The following CNTNAP2 variants were observed in gnomAD, a reference collection of about 807,000 sequenced individuals.
CNTNAP2 encodes the protein contactin associated protein 2.
CNTNAP2 carries 98 observed loss-of-function variants against 155.2 expected under a neutral mutation model. That is an observed-to-expected ratio of 0.63 (90% CI 0.54 to 0.75). The LOEUF is 0.75. Among genes scored for constraint, CNTNAP2 ranks in the 30% least tolerant of loss-of-function variants. CNTNAP2 has a pLI of 0.00. For missense variants in CNTNAP2, 1,727 were observed against 1,688.1 expected, an observed-to-expected ratio of 1.02 and a Z score of -0.40; for synonymous variants, 651 against 631.2, an observed-to-expected ratio of 1.03 and a Z score of -0.47.
chr7:146,624,529 C>T (rs929199968), intron 1 of CNTNAP2, among the ~76,000 whole-genome samples: 2 of 151,878 alleles, frequency 1.3e-5, no homozygotes, highest in Non-Finnish European at 2.9e-5. Flanking sequence ...ATTTCAAATG[C>T]CTTTGTTAAA....
At chr7:146,501,838 G>A (rs1216658205) in intron 1 of CNTNAP2, among the ~76,000 whole-genome samples, 2 of 152,092 alleles carry the variant, frequency 1.3e-5, no homozygotes. Flanking sequence ...ACAGACAAAA[G>A]AGAAGACTTA....
At chr7:147,313,612 A>G (rs1169995745) in intron 9 of CNTNAP2, among the ~76,000 whole-genome samples, 4 of 151,106 alleles carry the variant, frequency 2.6e-5, no homozygotes, top group South Asian at 4.2e-4. Flanking sequence ...GTTCTGTTCC[A>G]TTGATCTATA....
intron 11 of CNTNAP2, among the ~76,000 whole-genome samples, chr7:147,518,174 C>A (rs1193526158): frequency 6.6e-6 from 1 of 152,142 alleles, no homozygotes; most frequent in African/African-American, 2.4e-5. Flanking sequence ...CTATCATATA[C>A]CTGCGGTGTA....
At chr7:147,760,526 A>G (rs1409303697) in intron 13 of CNTNAP2, among the ~76,000 whole-genome samples, 1 of 152,240 alleles carries the variant, frequency 6.6e-6, no homozygotes, top group African/African-American at 2.4e-5. Context: ...TTTTTACCAG[A>G]GTTATACATT....
intron 3 of CNTNAP2, among the ~76,000 whole-genome samples, chr7:146,851,944 C>A (rs908221322): frequency 6.6e-6 from 1 of 151,984 alleles, no homozygotes; most frequent in Non-Finnish European, 1.5e-5. Context: ...CCTCGGCCTC[C>A]CAAAGTGTTA....
chr7:146,148,527 C>T (rs1797988019), intron 1 of CNTNAP2, among the ~76,000 whole-genome samples: 2 of 152,082 alleles, frequency 1.3e-5, no homozygotes, highest in African/African-American at 4.8e-5. Context: ...GGAAAATGCT[C>T]TAAGTAACAT....
At chr7:146,332,207 A>G (rs1362831574) in intron 1 of CNTNAP2, among the ~76,000 whole-genome samples, 5 of 151,840 alleles carry the variant, frequency 3.3e-5, no homozygotes, top group African/African-American at 1.2e-4. Flanking sequence ...TTTATTATTG[A>G]AGGCCCAAAG....
At chr7:146,504,825 G>A (rs866265112) in intron 1 of CNTNAP2, among the ~76,000 whole-genome samples, 8 of 152,176 alleles carry the variant, frequency 5.3e-5, no homozygotes, top group African/African-American at 1.9e-4. Context: ...TGTCTCCACA[G>A]TCCCATAAAC....
intron 9 of CNTNAP2, among the ~76,000 whole-genome samples, chr7:147,344,966 A>G (rs1020601704): frequency 1.3e-5 from 2 of 152,162 alleles, no homozygotes; most frequent in Non-Finnish European, 2.9e-5. Flanking sequence ...TTAAAGTAAC[A>G]AAATTAAAGA....
At chr7:147,552,071 G>A (rs1346051396) in intron 11 of CNTNAP2, among the ~76,000 whole-genome samples, 1 of 152,078 alleles carries the variant, frequency 6.6e-6, no homozygotes. Flanking sequence ...CAAGTCATAT[G>A]GACTGTAAGT....
chr7:146,935,969 A>C (rs1382143997), intron 3 of CNTNAP2, among the ~76,000 whole-genome samples: 1 of 152,180 alleles, frequency 6.6e-6, no homozygotes, highest in Non-Finnish European at 1.5e-5. Context: ...CAAAGGTTTT[A>C]AATGTTTGCA....
chr7:146,759,997 T>C (rs1301992544), intron 1 of CNTNAP2, among the ~76,000 whole-genome samples: 1 of 152,144 alleles, frequency 6.6e-6, no homozygotes, highest in African/African-American at 2.4e-5. Context: ...TTAGGGAGCT[T>C]TTACAAGTGC....
At chr7:146,997,184 C>T (rs1798328081) in intron 3 of CNTNAP2, among the ~76,000 whole-genome samples, 1 of 152,026 alleles carries the variant, frequency 6.6e-6, no homozygotes, top group Non-Finnish European at 1.5e-5. Flanking sequence ...TTTCATCTTT[C>T]CCATTTAATA....
intron 1 of CNTNAP2, among the ~76,000 whole-genome samples, chr7:146,689,690 T>C (rs1800664459): frequency 6.6e-6 from 1 of 152,160 alleles, no homozygotes; most frequent in Non-Finnish European, 1.5e-5. Context: ...GGTGCCATTA[T>C]TAAAGCAATC....
chr7:146,644,792 C>G (rs907569402), intron 1 of CNTNAP2, among the ~76,000 whole-genome samples: 1 of 152,102 alleles, frequency 6.6e-6, no homozygotes, highest in African/African-American at 2.4e-5. Flanking sequence ...AAGAAGTTGA[C>G]TCTCTGAATA....
intron 1 of CNTNAP2, among the ~76,000 whole-genome samples, chr7:146,248,934 T>C (rs1019743197): frequency 2.0e-5 from 3 of 151,428 alleles, no homozygotes; most frequent in Non-Finnish European, 2.9e-5. Context: ...GAGAAAGGGG[T>C]GGGGCCGTTT....
intron 9 of CNTNAP2, among the ~76,000 whole-genome samples, chr7:147,372,125 C>T (rs147960453): frequency 6.6e-6 from 1 of 152,210 alleles, no homozygotes; most frequent in Non-Finnish European, 1.5e-5. Flanking sequence ...GCATAGGGCT[C>T]AGGCTGTCAT....
chr7:146,142,683 C>G (rs1232881403), intron 1 of CNTNAP2, among the ~76,000 whole-genome samples: 1 of 152,210 alleles, frequency 6.6e-6, no homozygotes, highest in East Asian at 1.9e-4. Flanking sequence ...TAAACTTTCA[C>G]TTCGTATTAC....
At chr7:147,526,938 A>T (rs1562981214) in intron 11 of CNTNAP2, among the ~76,000 whole-genome samples, 1 of 151,448 alleles carries the variant, frequency 6.6e-6, no homozygotes, top group Non-Finnish European at 1.5e-5. Flanking sequence ...GGCACCATTA[A>T]CTATTAGAAC....
Sources: allele counts gnomAD v4.1 joint callset (sites outside exome capture counted in the v4.1 genomes callset), GRCh38; gene constraint gnomAD v4.1.1; transcripts MANE v1.5; gene names NCBI Gene and HGNC (gene_info 2026-07-23, HGNC 2026-07-21).